MYH15: variants seen among roughly 807,000 people sequenced by gnomAD.
MYH15 encodes the protein myosin heavy chain 15.
Under a neutral mutation model 240.5 loss-of-function variants are expected in MYH15, and 227 were observed. That is an observed-to-expected ratio of 0.94 (90% confidence interval 0.85 to 1.05). The LOEUF is 1.05. MYH15 is among the 50% of genes least tolerant of loss of function. The pLI is 0.00. For synonymous variants in MYH15, 785 were observed against 796.7 expected (o/e 0.99, Z 0.25); for missense variants, 2,217 against 2,247.5 (o/e 0.99, Z 0.27).
At chr3:108,497,977 T>C in intron 6 of MYH15, 75 bp downstream of exon 6, 1 of 1,279,288 alleles carries the variant, frequency 7.8e-7, no homozygotes, top group Non-Finnish European at 1.1e-6. Flanking sequence ...TTCCCAAAAG[T>C]GGTCCGGACA....
chr3:108,512,142 G>A (rs2083526330), upstream of MYH15, among the ~76,000 whole-genome samples: 1 of 152,142 alleles, frequency 6.6e-6, no homozygotes, highest in Non-Finnish European at 1.5e-5. Context: ...GCATTTCTCA[G>A]GGAAAAAGAC....
At chr3:108,406,504 T>G (rs915524081) in intron 32 of MYH15, among the ~76,000 whole-genome samples, 6 of 152,192 alleles carry the variant, frequency 3.9e-5, no homozygotes, top group Non-Finnish European at 8.8e-5. Context: ...AACAATTTCC[T>G]CAGAGGGAAT....
chr3:108,547,157 A>G, the MYH15 span, among the ~76,000 whole-genome samples: 1 of 151,950 alleles, frequency 6.6e-6, no homozygotes, highest in African/African-American at 2.4e-5. Context: ...ACATGTCACC[A>G]CACCTAACTA....
At chr3:108,520,449 C>T (rs937184475) in intron 1 of MYH15, among the ~76,000 whole-genome samples, 1 of 152,132 alleles carries the variant, frequency 6.6e-6, no homozygotes, top group Admixed American at 6.6e-5. Context: ...ACTTTATACA[C>T]TCTTGTCAAG....
At chr3:108,474,488 TG>T (rs1468883674) in intron 12 of MYH15, among the ~76,000 whole-genome samples, 1 of 150,588 alleles carries the variant, frequency 6.6e-6, no homozygotes, top group Non-Finnish European at 1.5e-5. Flanking sequence ...TGCTTTTTTT[TG>T]TTTTTATTAT....
At chr3:108,442,073 A>C (rs1163617679) in intron 22 of MYH15, among the ~76,000 whole-genome samples, 1 of 152,186 alleles carries the variant, frequency 6.6e-6, no homozygotes, top group Non-Finnish European at 1.5e-5. Flanking sequence ...TTCATGAGCA[A>C]GTTCTTAATT....
At chr3:108,548,647 C>T in the MYH15 span, among the ~76,000 whole-genome samples, 5 of 151,900 alleles carry the variant, frequency 3.3e-5, no homozygotes, top group Admixed American at 2.0e-4. Flanking sequence ...ATGGCTGGTA[C>T]GATGGTATAT....
chr3:108,461,858 G>A (rs576584458), intron 16 of MYH15: 5 of 152,252 alleles, frequency 3.3e-5, no homozygotes, highest in South Asian at 4.2e-4. Flanking sequence ...TATGTCAGTC[G>A]AGAGAACCAA....
chr3:108,467,118 C>T (rs1226941767), intron 14 of MYH15, among the ~76,000 whole-genome samples: 1 of 151,838 alleles, frequency 6.6e-6, no homozygotes, highest in East Asian at 1.9e-4. Flanking sequence ...GCCCTCAGCA[C>T]ATTTCTGCTG....
At chr3:108,499,513 C>A in intron 4 of MYH15, 31 bp from the exon 5 acceptor site, 1 of 1,593,118 alleles carries the variant, frequency 6.3e-7, no homozygotes, top group South Asian at 1.1e-5. Flanking sequence ...CCAGAATATT[C>A]TTATATTCGA....
intron 25 of MYH15, among the ~76,000 whole-genome samples, chr3:108,433,603 G>A (rs1467274442): frequency 6.6e-6 from 1 of 152,104 alleles, no homozygotes; most frequent in East Asian, 1.9e-4. Context: ...GAATCATGGG[G>A]GCAAGTCTTT....
At chr3:108,402,034 T>G (rs529249869) in intron 33 of MYH15, among the ~76,000 whole-genome samples, 2 of 152,326 alleles carry the variant, frequency 1.3e-5, no homozygotes, top group Admixed American at 1.3e-4. Context: ...TTTAAAATCA[T>G]TAGCTCAGCA....
At chr3:108,463,313 C>A in intron 15 of MYH15, 70 bp from the exon 16 acceptor site, 1 of 1,481,792 alleles carries the variant, frequency 6.7e-7, no homozygotes, top group South Asian at 1.3e-5. Context: ...GAAGGCTGTG[C>A]ATTACCCCTT....
chr3:108,539,096 G>A, the MYH15 span, among the ~76,000 whole-genome samples: 1 of 152,140 alleles, frequency 6.6e-6, no homozygotes, highest in Non-Finnish European at 1.5e-5. Context: ...GTTGCATTGT[G>A]TAGTAAGTTT....
chr3:108,400,292 A>C (rs2082494409), intron 33 of MYH15, among the ~76,000 whole-genome samples: 1 of 152,226 alleles, frequency 6.6e-6, no homozygotes. Flanking sequence ...TATTTGTTTT[A>C]AGTCACCAAG....
chr3:108,410,630 C>T lies in MYH15; in HGVS notation c.4448G>A (p.Ser1483Asn). ...LLKLKNTYEESIVGQETLRRE... is the reference protein window; with the variant it reads ...LLKLKNTYEENIVGQETLRRE... ...CCTGAGTGTCTCCTGGCCCACGATG[C>T]TCTCCTCATAGGTGTTCTTGAGCTT... The change falls in exon 31 of 41, where the codon AGC becomes AAC. Residue 1483 changes from serine (S) to asparagine (N), a missense_variant. Physicochemically the swap from Ser to Asn is conservative, Grantham distance 46. Transcript: ENST00000693548. 1.2e-6 allele frequency: 2 copies of T among 1,608,504 alleles called. No homozygotes were observed. The highest frequency in any genetic ancestry group is 1.7e-6 in the Non-Finnish European group (2 of 1,175,438).
At position 108,408,269 on chromosome 3, in the gene MYH15, G is replaced by A. The variant is rs779529424; in HGVS notation, c.4620+11C>T. 1 of 1,604,680 alleles carries A rather than the reference G, an allele frequency of 6.2e-7. No homozygotes were observed. Among genetic ancestry groups the A allele is most frequent in the Admixed American group, 1.7e-5 (1 of 57,900 alleles). ...ACAGTGAAAACTTTCTTTTCTCCCT[G>A]GTGATAATACCTCTGTTTCTTCCAG... On this transcript the variant is annotated intron_variant, in intron 32 of 40. Transcript: ENST00000693548.
chr3:108,426,501 G>A (rs549557198), intron 27 of MYH15, among the ~76,000 whole-genome samples: 43 of 152,298 alleles, frequency 2.8e-4, no homozygotes, highest in African/African-American at 9.4e-4. Context: ...GCAGGCCCAG[G>A]TTCAGCTCAG....
At chr3:108,475,346 T>C (rs894894575) in intron 12 of MYH15, among the ~76,000 whole-genome samples, 3 of 152,166 alleles carry the variant, frequency 2.0e-5, no homozygotes, top group African/African-American at 7.2e-5. Context: ...AGTATTATTG[T>C]AAGAATAGAA....
Sources: gnomAD v4.1 joint callset for allele counts (sites outside exome capture counted in the v4.1 genomes callset) on GRCh38, gnomAD v4.1.1 for gene constraint, MANE v1.5 for transcripts, NCBI Gene and HGNC (gene_info 2026-07-23, HGNC 2026-07-21) for gene names.